The following ADARB2 variants were observed in gnomAD, a reference collection of about 807,000 sequenced individuals.
The protein encoded by ADARB2 is inactive double-stranded RNA-specific editase B2.
In ADARB2, 25 loss-of-function variants were observed where a neutral mutation model predicts 62.2. That is an observed-to-expected ratio of 0.40 (90% confidence interval 0.29 to 0.56). The LOEUF is 0.56. Among genes scored for constraint, ADARB2 ranks in the 20% least tolerant of loss-of-function variants. The pLI is 0.43. For synonymous variants in ADARB2, 572 were observed against 500.8 expected (o/e 1.14, Z -1.90); for missense variants, 1,071 against 1,077.4 (o/e 0.99, Z 0.08).
intron 7 of ADARB2, among the ~76,000 whole-genome samples, chr10:1,214,679 TA>T (rs779618857): frequency 3.9e-5 from 6 of 152,194 alleles, no homozygotes; most frequent in Admixed American, 6.5e-5. Flanking sequence ...CACCAGAGAG[TA>T]AATTTAGAAA....
chr10:1,310,699 G>A (rs1370778254), intron 3 of ADARB2, among the ~76,000 whole-genome samples: 2 of 152,202 alleles, frequency 1.3e-5, no homozygotes, highest in Admixed American at 1.3e-4. Context: ...CTCTGTGGTT[G>A]GGACGGGGAT....
intron 1 of ADARB2, among the ~76,000 whole-genome samples, chr10:1,734,690 G>A (rs1345579541): frequency 2.0e-5 from 3 of 152,158 alleles, no homozygotes; most frequent in African/African-American, 4.8e-5. Flanking sequence ...CCCTTACCTT[G>A]TGCTTCTGTC....
Position 1,621,945 on chromosome 10 carries a change from A to G in ADARB2, c.100+115106T>C, listed in dbSNP as rs546657014. On this transcript the variant is annotated intron_variant, in intron 1 of 9. Transcript: ENST00000381312. ...CAATTTTGCAAAAAAATAAAGAAAG[A>G]AAAAGGTTGGAAAACTTATACTAGC... Among the ~76,000 whole-genome samples, 131 of 152,340 alleles carry G rather than the reference A, an allele frequency of 8.6e-4. 1 individual carries two copies. Among genetic ancestry groups the G allele is most frequent in the Non-Finnish European group, 1.5e-3 (103 of 68,034 alleles).
Position 1,200,444 on chromosome 10 carries a change from T to G in ADARB2, c.1683-297A>C. The G allele has an allele frequency of 8.4e-6, 4 of 476,450 alleles. No homozygotes were observed. The East Asian group carries it at 1.3e-4, about 16-fold the overall frequency. 29.5% of individuals were successfully genotyped at this position (476,450 alleles called of 1,614,324 possible). Reference sequence around the variant, plus strand: ...TCTCTGTGGGACTTAGAATTAGATTTTTTTAAAAAGATACTCTGTCCCAAA... The same window carrying G: ...TCTCTGTGGGACTTAGAATTAGATTGTTTTAAAAAGATACTCTGTCCCAAA... On this transcript the variant is annotated intron_variant, in intron 7 of 9. Coordinates refer to ENST00000381312, the MANE Select transcript of ADARB2 (RefSeq NM_018702.4).
intron 1 of ADARB2, among the ~76,000 whole-genome samples, chr10:1,386,419 A>G (rs1218330643): frequency 6.6e-6 from 1 of 152,022 alleles, no homozygotes; most frequent in Non-Finnish European, 1.5e-5. Context: ...TATTGCTACA[A>G]AAACTTACTT....
At chr10:1,250,311 G>T (rs983007292) in intron 4 of ADARB2, among the ~76,000 whole-genome samples, 28 of 152,052 alleles carry the variant, frequency 1.8e-4, no homozygotes, top group Non-Finnish European at 2.4e-4. Context: ...CGGTGTTGGG[G>T]GGTGATGGGA....
At chr10:1,335,486 G>A (rs1198513856) in intron 3 of ADARB2, among the ~76,000 whole-genome samples, 2 of 145,478 alleles carry the variant, frequency 1.4e-5, no homozygotes, top group East Asian at 4.2e-4. Context: ...GTGAAGGAAT[G>A]GGGGAAGGGT....
At chr10:1,465,454 G>T (rs915562274) in intron 1 of ADARB2, among the ~76,000 whole-genome samples, 6 of 152,204 alleles carry the variant, frequency 3.9e-5, no homozygotes, top group African/African-American at 1.4e-4. Context: ...GCAGCTGCCT[G>T]CCCCTCCGAG....
intron 3 of ADARB2, among the ~76,000 whole-genome samples, chr10:1,293,244 C>CAGGGAGAGAGGGAG (rs1554752384): frequency 1.6e-5 from 1 of 61,004 alleles, no homozygotes; most frequent in African/African-American, 6.6e-5. Flanking sequence ...GAGAGAGGGA[C>CAGGGAGAGAGGGAG]GGGGGGAGAG....
intron 1 of ADARB2, among the ~76,000 whole-genome samples, chr10:1,413,348 T>C (rs2255595): frequency 0.47 from 71,070 of 151,850 alleles, 17,117 homozygotes; most frequent in African/African-American, 0.58. Context: ...AGAAACGGCG[T>C]CGGGTCTCGC....
chr10:1,200,259 G>A (rs1468504130), intron 7 of ADARB2, 112 bp from the exon 8 acceptor site: 14 of 1,411,906 alleles, frequency 9.9e-6, no homozygotes, highest in Admixed American at 5.9e-5. Flanking sequence ...CCCATCGTGC[G>A]GACCTTGGGG....
intron 7 of ADARB2, chr10:1,216,647 A>C (rs1830624503): frequency 2.4e-6 from 1 of 422,368 alleles, no homozygotes; most frequent in African/African-American, 2.1e-5. Context: ...GCCTCAGGCC[A>C]GGCTGTGTTT....
At chr10:1,214,700 A>G (rs1837210442) in intron 7 of ADARB2, among the ~76,000 whole-genome samples, 2 of 152,264 alleles carry the variant, frequency 1.3e-5, no homozygotes, top group Admixed American at 6.5e-5. Context: ...ACCCAATGCT[A>G]TCTTAGGGCA....
intron 1 of ADARB2, among the ~76,000 whole-genome samples, chr10:1,500,928 G>T (rs1831761185): frequency 1.3e-5 from 2 of 152,170 alleles, no homozygotes; most frequent in South Asian, 4.1e-4. Flanking sequence ...AGCCTGGAGT[G>T]CAGAAGCCCA....
intron 8 of ADARB2, chr10:1,186,480 C>T (rs566179295): frequency 1.5e-4 from 78 of 519,006 alleles, no homozygotes; most frequent in African/African-American, 6.1e-4. Context: ...TCCCACCTCC[C>T]GCGGCACCTG....
chr10:1,301,335 A>G (rs1403793723), intron 3 of ADARB2, among the ~76,000 whole-genome samples: 1 of 152,098 alleles, frequency 6.6e-6, no homozygotes, highest in Non-Finnish European at 1.5e-5. Flanking sequence ...AGCAAAAGTC[A>G]TCAACTCTGG....
chr10:1,356,215 C>T (rs1832193599), intron 3 of ADARB2, among the ~76,000 whole-genome samples: 1 of 152,214 alleles, frequency 6.6e-6, no homozygotes, highest in South Asian at 2.1e-4. Context: ...GAGCACCTTG[C>T]CTTCCTGCAT....
intron 1 of ADARB2, among the ~76,000 whole-genome samples, chr10:1,516,491 C>G (rs993421314): frequency 9.2e-5 from 14 of 151,928 alleles, no homozygotes; most frequent in African/African-American, 3.4e-4. Context: ...CTGCTCTGTG[C>G]TATGCGGGCT....
At chr10:1,581,886 C>T (rs1247781394) in intron 1 of ADARB2, among the ~76,000 whole-genome samples, 1 of 151,278 alleles carries the variant, frequency 6.6e-6, no homozygotes, top group Admixed American at 6.6e-5. Flanking sequence ...AGGCCAAGAT[C>T]TCAGCACGCT....
Sources: allele counts gnomAD v4.1 joint callset (sites outside exome capture counted in the v4.1 genomes callset), GRCh38; gene constraint gnomAD v4.1.1; transcripts MANE v1.5; gene names NCBI Gene and HGNC (gene_info 2026-07-23, HGNC 2026-07-21).